Variants in FBXL17 observed in about 807,000 individuals in gnomAD.
FBXL17 encodes F-box/LRR-repeat protein 17.
A neutral mutation model predicts 66.2 loss-of-function variants in FBXL17; 22 were observed. The ratio of observed to expected loss-of-function variants is 0.33; its 90% CI spans 0.24 to 0.47. The LOEUF is 0.47. Among genes scored for constraint, FBXL17 ranks in the 20% least tolerant of loss-of-function variants. The pLI, the probability that FBXL17 is intolerant of heterozygous loss-of-function variation, is 1.00. For missense variants in FBXL17, 878 were observed against 948.2 expected, an observed-to-expected ratio of 0.93 and a Z score of 0.97; for synonymous variants, 474 against 400.5, an observed-to-expected ratio of 1.18 and a Z score of -2.19.
intron 4 of FBXL17, among the ~76,000 whole-genome samples, chr5:108,248,700 G>GT (rs1403603645): frequency 3.3e-5 from 5 of 152,104 alleles, no homozygotes; most frequent in Non-Finnish European, 7.4e-5. Flanking sequence ...CCTGAAAGCA[G>GT]TAAGATCTCT....
intron 6 of FBXL17, among the ~76,000 whole-genome samples, chr5:108,117,747 C>G (rs183796993): frequency 1.3e-5 from 2 of 152,124 alleles, no homozygotes; most frequent in Non-Finnish European, 2.9e-5. Flanking sequence ...TAACTACACC[C>G]CCTCTCGGAA....
intron 6 of FBXL17, among the ~76,000 whole-genome samples, chr5:108,024,446 A>G (rs1280055030): frequency 5.9e-5 from 9 of 152,180 alleles, no homozygotes; most frequent in African/African-American, 1.9e-4. Context: ...TTGGAGCCCT[A>G]TATCATCATT....
intron 4 of FBXL17, chr5:108,299,851 T>C (rs1040989157): frequency 3.0e-6 from 3 of 984,092 alleles, no homozygotes; most frequent in Middle Eastern, 5.2e-4. Context: ...AAAAAAAGGG[T>C]AGATGCCATG....
chr5:108,211,281 T>C (rs186870767), intron 5 of FBXL17, among the ~76,000 whole-genome samples: 1 of 152,330 alleles, frequency 6.6e-6, no homozygotes, highest in Admixed American at 6.5e-5. Flanking sequence ...CTTTATCCAA[T>C]TTGCCAGTCT....
intron 1 of FBXL17, among the ~76,000 whole-genome samples, chr5:108,373,546 A>T (rs1319122279): frequency 6.6e-6 from 1 of 151,926 alleles, no homozygotes; most frequent in African/African-American, 2.4e-5. Flanking sequence ...GAGAAAACAA[A>T]TAATAAAATA....
rs1319461050 is a variant in FBXL17 at position 107,860,599 on chromosome 5, CAT to C, written c.*1119_*1120del. On this transcript the variant is annotated 3_prime_UTR_variant, in exon 9 of 9. Transcript: ENST00000542267. Reference sequence around the variant, plus strand: ...GATTTTCTAATTTTCTTTCTTAACTCATATATTAGCTAGCAATAGATCTTTGC... The same window carrying C: ...GATTTTCTAATTTTCTTTCTTAACTCATATTAGCTAGCAATAGATCTTTGC... 1 of 152,570 alleles carries C rather than the reference CAT, an allele frequency of 6.6e-6. No homozygotes were observed. The highest frequency in any genetic ancestry group is 1.5e-5 in the Non-Finnish European group (1 of 68,026). The allele number at this position is 152,570 out of a possible 1,614,324, so 9.5% of individuals were successfully genotyped here.
chr5:108,127,204 T>G (rs34432), intron 6 of FBXL17, among the ~76,000 whole-genome samples: 2 of 152,070 alleles, frequency 1.3e-5, no homozygotes, highest in Non-Finnish European at 2.9e-5. Context: ...CCAACACTTA[T>G]GTCTTTGTAG....
chr5:108,036,119 A>G (rs546909410), intron 6 of FBXL17, among the ~76,000 whole-genome samples: 1 of 152,234 alleles, frequency 6.6e-6, no homozygotes, highest in East Asian at 1.9e-4. Flanking sequence ...TTCCTGTTTT[A>G]TGGATTGAGA....
At chr5:107,967,077 AT>A (rs1488952862) in intron 7 of FBXL17, among the ~76,000 whole-genome samples, 3 of 152,002 alleles carry the variant, frequency 2.0e-5, no homozygotes, top group South Asian at 2.1e-4. Context: ...TTAAAACCCA[AT>A]TTGCTTAATT....
intron 3 of FBXL17, among the ~76,000 whole-genome samples, chr5:108,351,040 T>C (rs749655957): frequency 3.3e-5 from 5 of 152,220 alleles, no homozygotes; most frequent in Admixed American, 3.3e-4. Context: ...GCAGTAAATG[T>C]AATTAAGTAT....
intron 6 of FBXL17, among the ~76,000 whole-genome samples, chr5:108,126,512 A>G (rs1227210643): frequency 1.3e-5 from 2 of 151,796 alleles, no homozygotes; most frequent in Non-Finnish European, 2.9e-5. Context: ...AAGACCCTAA[A>G]AGAAGAAATT....
chr5:108,030,555 G>A (rs10434798), intron 6 of FBXL17, among the ~76,000 whole-genome samples: 64,686 of 151,868 alleles, frequency 0.43, 13,914 homozygotes, highest in Admixed American at 0.47. Flanking sequence ...TCTCTTTGGC[G>A]TATTTTGAAA....
intron 6 of FBXL17, among the ~76,000 whole-genome samples, chr5:108,155,127 A>G (rs1183060406): frequency 1.3e-5 from 2 of 152,210 alleles, no homozygotes; most frequent in African/African-American, 4.8e-5. Context: ...TACACATTTT[A>G]AACCTCTGGT....
At chr5:108,201,188 G>C (rs1453326689) in intron 5 of FBXL17, among the ~76,000 whole-genome samples, 1 of 152,110 alleles carries the variant, frequency 6.6e-6, no homozygotes, top group Non-Finnish European at 1.5e-5. Context: ...AGCCCCTTTA[G>C]AATCATGGAG....
intron 6 of FBXL17, among the ~76,000 whole-genome samples, chr5:108,073,394 G>A (rs1279388597): frequency 1.3e-5 from 2 of 151,822 alleles, no homozygotes; most frequent in East Asian, 1.9e-4. Context: ...TGAGACACAA[G>A]TAAAAAGAAA....
intron 6 of FBXL17, among the ~76,000 whole-genome samples, chr5:108,173,727 T>C (rs189222750): frequency 6.6e-6 from 1 of 152,194 alleles, no homozygotes; most frequent in Admixed American, 6.5e-5. Context: ...TTTGACAATA[T>C]GGTGAACAGA....
chr5:108,375,041 A>G (rs1167602638), intron 1 of FBXL17, among the ~76,000 whole-genome samples: 1 of 152,146 alleles, frequency 6.6e-6, no homozygotes, highest in Non-Finnish European at 1.5e-5. Context: ...GATGATCAAC[A>G]AAACCAAAAG....
chr5:108,154,684 CACATATATATGTATAT>C (rs1440707418), intron 6 of FBXL17, among the ~76,000 whole-genome samples: 6 of 138,700 alleles, frequency 4.3e-5, no homozygotes, highest in African/African-American at 1.6e-4. Flanking sequence ...TATATATATA[CACATATATATGTATAT>C]ACATATATAT....
chr5:108,148,692 G>T (rs548444015), intron 6 of FBXL17, among the ~76,000 whole-genome samples: 2 of 152,084 alleles, frequency 1.3e-5, no homozygotes, highest in African/African-American at 4.8e-5. Context: ...GTATAGTGAG[G>T]AAGACTCTGA....
Sources: allele counts gnomAD v4.1 joint callset (sites outside exome capture counted in the v4.1 genomes callset), GRCh38; gene constraint gnomAD v4.1.1; transcripts MANE v1.5; gene names NCBI Gene and HGNC (gene_info 2026-07-23, HGNC 2026-07-21).